Variants in LSM14B observed in about 807,000 individuals in gnomAD.
The protein encoded by LSM14B is protein LSM14 homolog B.
A neutral mutation model predicts 42.1 loss-of-function variants in LSM14B; 8 were observed. The observed-to-expected ratio is 0.19, with a 90% CI of 0.11 to 0.34. The LOEUF is 0.34. LSM14B is among the 10% of genes least tolerant of loss of function. The probability of loss-of-function intolerance (pLI) is 1.00; values close to 1 mark genes in which losing one functional copy is unlikely to be tolerated. For missense variants in LSM14B, 396 were observed against 513.1 expected, an observed-to-expected ratio of 0.77 and a Z score of 2.21; for synonymous variants, 219 against 209.7, an observed-to-expected ratio of 1.04 and a Z score of -0.38.
In LSM14B at chr20:62,122,864, C is replaced by G. The variant is rs1600904339; in HGVS notation, c.127+71C>G. On this transcript the variant is annotated intron_variant, in intron 1 of 8. Coordinates refer to ENST00000279068, the MANE Select transcript of LSM14B (RefSeq NM_144703.3). This position sits in a 1 kb window ranked among gnomAD's most constrained non-coding sequence, Gnocchi z 4.6. The stretch of plus-strand genomic sequence containing the variant: ...CAGCCCCGGCCTGCGGTGCCCTCCC[C>G]GCCCCGGGGCGCCCCGGAGCCTGGC... 21 of 1,237,404 alleles carry G rather than the reference C, an allele frequency of 1.7e-5. No homozygotes were observed. In the South Asian group the frequency reaches 4.4e-4, roughly 26 times the overall value. 76.7% of individuals were successfully genotyped at this position (1,237,404 alleles called of 1,614,324 possible).
At chr20:62,132,266 C>T (rs565316680) in intron 7 of LSM14B, among the ~76,000 whole-genome samples, 2 of 152,280 alleles carry the variant, frequency 1.3e-5, no homozygotes, top group Admixed American at 6.5e-5. Flanking sequence ...CAGATGAGTG[C>T]GGGAAGTGCT....
At position 62,134,700 on chromosome 20, in the gene LSM14B, G is replaced by C. The variant is rs1357958978; in HGVS notation, c.*552G>C. 4.6e-6 allele frequency: 1 copy of C among 215,178 alleles called. No individual in the cohort carries two copies. The highest frequency in any genetic ancestry group is 9.3e-6 in the Non-Finnish European group (1 of 106,968). 13.3% of individuals were successfully genotyped at this position (215,178 alleles called of 1,614,324 possible). A position where few individuals can be genotyped will look rare whatever the true frequency, so the allele number is the denominator to read the frequency against. On this transcript the variant is annotated 3_prime_UTR_variant, in exon 9 of 9. Transcript: ENST00000279068. Reference sequence around the variant, plus strand: ...AGGGCACGGAAGGGGTTTTCCCATGGATCATGTTGTATAAGTGAACCAGAC... The same window carrying C: ...AGGGCACGGAAGGGGTTTTCCCATGCATCATGTTGTATAAGTGAACCAGAC...
Position 62,122,477 on chromosome 20 carries a change from TCG to T in LSM14B, c.-184_-183del. 4.5e-6 allele frequency: 1 copy of T among 224,140 alleles called. No individual in the cohort carries two copies. The highest frequency in any genetic ancestry group is 7.4e-6 in the Non-Finnish European group (1 of 134,304). 13.9% of individuals were successfully genotyped at this position (224,140 alleles called of 1,614,324 possible). On this transcript the variant is annotated 5_prime_UTR_variant, in exon 1 of 9. Coordinates refer to ENST00000279068, the MANE Select transcript of LSM14B (RefSeq NM_144703.3). The surrounding 1 kb of genome is among the most constrained non-coding windows in gnomAD (Gnocchi z 4.6). The stretch of plus-strand genomic sequence containing the variant: ...CCCCGCGCTCCTCTCAGAGCCCCAG[TCG>T]CGCGCCCCTTCTTGGTTCGCTCGGT...
intron 3 of LSM14B, chr20:62,128,869 G>A: frequency 3.1e-6 from 3 of 975,832 alleles, no homozygotes; most frequent in Non-Finnish European, 1.4e-6. Context: ...AAGATGAGAT[G>A]CCCAGTCTTC....
rs1310600370 is a variant in LSM14B, at chr20:62,130,029, TTTTTA to T, written c.595+78_595+82del. The T allele has an allele frequency of 1.2e-5, 18 of 1,459,372 alleles. No homozygotes were observed. The highest frequency in any genetic ancestry group is 1.6e-5 in the Non-Finnish European group (18 of 1,100,464). The allele number at this position is 1,459,372 out of a possible 1,614,324, so 90.4% of individuals were successfully genotyped here. On this transcript the variant is annotated intron_variant, in intron 4 of 8. Transcript: ENST00000279068. This position sits in a 1 kb window ranked among gnomAD's most constrained non-coding sequence, Gnocchi z 4.1. ...CACTACTTCCTGGGCTATTTTTTTT[TTTTTA>T]ATTAAAAAAATACTACTCCCCCATC...
intron 3 of LSM14B, chr20:62,127,723 T>C (rs1372022774): frequency 1.4e-6 from 2 of 1,476,668 alleles, no homozygotes; most frequent in South Asian, 1.2e-5. Flanking sequence ...TTGGGAGAAC[T>C]GCATGCTGTC....
At position 62,126,324 on chromosome 20, in the gene LSM14B, C is replaced by T. The variant is rs754112715; in HGVS notation, c.312C>T (p.Ser104=). 8 of 1,613,764 alleles carry T rather than the reference C, an allele frequency of 5.0e-6. No homozygotes were observed. Among genetic ancestry groups the T allele is most frequent in the East Asian group, 2.2e-5 (1 of 44,904 alleles). The change falls in exon 3 of 9, where the codon TCC becomes TCT. Residue 104 remains serine (S), a synonymous_variant. Transcript: ENST00000279068. Reference sequence around the variant, plus strand: ...TTCAGTCTTCCCTGGGTTCTGCCTCCGCCTCGCCCTTCCAGCCGCACGTGC... The same window carrying T: ...TTCAGTCTTCCCTGGGTTCTGCCTCTGCCTCGCCCTTCCAGCCGCACGTGC... ...AIVQSSLGSA[S]ASPFQPHVPY...
chr20:62,124,589 A>G lies in LSM14B; in HGVS notation c.128-28A>G, dbSNP rs751181864. On this transcript the variant is annotated intron_variant, in intron 1 of 8. Transcript: ENST00000279068. Reference sequence around the variant, plus strand: ...TTGATTGAACTGGCTGAGGACAACAATAACGCTTCTCTTTCTCCACTCATA... The same window carrying G: ...TTGATTGAACTGGCTGAGGACAACAGTAACGCTTCTCTTTCTCCACTCATA... 5.0e-6 allele frequency: 8 copies of G among 1,608,582 alleles called. No individual in the cohort carries two copies. The Admixed American group carries it at 5.0e-5, about 10-fold the overall frequency.
At position 62,131,388 on chromosome 20, in the gene LSM14B, C is replaced by A. The variant is rs374354124; in HGVS notation, c.868C>A (p.Leu290Met). The change falls in exon 7 of 9, where the codon CTG becomes ATG. Residue 290 changes from leucine (L) to methionine (M), a missense_variant. Leu to Met is a conservative substitution (Grantham distance 15). Around this residue, in one of 3 missense-constraint regions of LSM14B, gnomAD observed 118 missense variants for 156.4 expected, o/e 0.75. Coordinates refer to ENST00000279068, the MANE Select transcript of LSM14B (RefSeq NM_144703.3). ...DKAEKGEEKD[L>M]AVVTQSAEAP... is the part of the protein sequence containing the mutation. ...GGCTGAGAAGGGGGAAGAGAAGGAC[C>A]TGGCTGTGGTGACCCAGAGTGCCGA... 8 of 1,609,522 alleles carry A rather than the reference C, an allele frequency of 5.0e-6. No homozygotes were observed. In the African/African-American group the frequency reaches 1.1e-4, roughly 22 times the overall value.
In LSM14B at chr20:62,130,341, G is replaced by T; in HGVS notation, c.673+45G>T. The T allele has an allele frequency of 6.4e-7, 1 of 1,559,398 alleles. No homozygotes were observed. The highest frequency in any genetic ancestry group is 1.2e-5 in the South Asian group (1 of 84,766). On this transcript the variant is annotated intron_variant, in intron 5 of 8. Transcript: ENST00000279068. This position sits in a 1 kb window ranked among gnomAD's most constrained non-coding sequence, Gnocchi z 4.1. The stretch of plus-strand genomic sequence containing the variant: ...GATTTCTGGGGACCACGAGTGATCA[G>T]GCTGAGCTCTGCTTGCCCTCCTGCC...
rs2056735467 is a variant in LSM14B at position 62,130,484 on chromosome 20, TG to T, written c.674-43del. ...TTCCTTGTGAGGTGTTTGAGATCACTGGGTTGGTGACCTACTTCAGCCAGGG... is the reference window on the plus strand; with the variant it reads ...TTCCTTGTGAGGTGTTTGAGATCACTGGTTGGTGACCTACTTCAGCCAGGG... On this transcript the variant is annotated intron_variant, in intron 5 of 8. Transcript: ENST00000279068. The surrounding 1 kb of genome is among the most constrained non-coding windows in gnomAD (Gnocchi z 4.1). 1.9e-6 allele frequency: 3 copies of T among 1,602,212 alleles called. No homozygotes were observed.
intron 3 of LSM14B, chr20:62,127,597 G>A: frequency 6.4e-7 from 1 of 1,550,782 alleles, no homozygotes; most frequent in South Asian, 1.2e-5. Context: ...AAGTTGGTAA[G>A]CCCTCCAGCC....
chr20:62,134,447 A>T lies in LSM14B; in HGVS notation c.*299A>T. 2 of 270,940 alleles carry T rather than the reference A, an allele frequency of 7.4e-6. No homozygotes were observed. The highest frequency in any genetic ancestry group is 1.5e-5 in the Non-Finnish European group (2 of 131,212). The allele number at this position is 270,940 out of a possible 1,614,324, so 16.8% of individuals were successfully genotyped here. A position where few individuals can be genotyped will look rare whatever the true frequency, so the allele number is the denominator to read the frequency against. ...TGGTATTTTGCAAAAAGGTTTCTAT[A>T]GTGAAAGCTGAATCCTTACTTTGTG... is the stretch of plus-strand genomic sequence containing the variant. On this transcript the variant is annotated 3_prime_UTR_variant, in exon 9 of 9. Coordinates refer to ENST00000279068, the MANE Select transcript of LSM14B (RefSeq NM_144703.3).
Position 62,130,702 on chromosome 20 carries a change from TTATA to T in LSM14B, c.835+13_835+16del. On this transcript the variant is annotated intron_variant, in intron 6 of 8. Transcript: ENST00000279068. The surrounding 1 kb of genome is among the most constrained non-coding windows in gnomAD (Gnocchi z 4.1). Reference sequence around the variant, plus strand: ...AACTGAATTTTAAAGGTTTGGCTCATTATATGAAAATTATTCTCTGCACAGGAGT... The same window carrying T: ...AACTGAATTTTAAAGGTTTGGCTCATTGAAAATTATTCTCTGCACAGGAGT... 6.2e-7 allele frequency: 1 copy of T among 1,612,136 alleles called. No individual in the cohort carries two copies. Among genetic ancestry groups the T allele is most frequent in the Non-Finnish European group, 8.5e-7 (1 of 1,179,500 alleles).
Position 62,122,650 on chromosome 20 carries a change from G to T in LSM14B, c.-17G>T. The T allele has an allele frequency of 3.6e-6, 5 of 1,386,940 alleles. No individual in the cohort carries two copies. Among genetic ancestry groups the T allele is most frequent in the Non-Finnish European group, 4.8e-6 (5 of 1,048,818 alleles). The allele number at this position is 1,386,940 out of a possible 1,614,324, so 85.9% of individuals were successfully genotyped here. A position where few individuals can be genotyped will look rare whatever the true frequency, so the allele number is the denominator to read the frequency against. On this transcript the variant is annotated 5_prime_UTR_variant, in exon 1 of 9. Transcript: ENST00000279068. This position sits in a 1 kb window ranked among gnomAD's most constrained non-coding sequence, Gnocchi z 4.6. ...CGCTCCTTCCCCACCGCGGCCCGAC[G>T]CACCCCGGCCGCCGCCATGAGCGGC...
chr20:62,124,868 A>T, intron 2 of LSM14B, 88 bp downstream of exon 2: 3 of 1,317,908 alleles, frequency 2.3e-6, no homozygotes, highest in East Asian at 5.3e-5. Context: ...AGAACGCTCA[A>T]TGTGAGGAAT....
Position 62,135,059 on chromosome 20 carries a change from CGTT to C in LSM14B, c.*915_*917del, listed in dbSNP as rs1414193920. The stretch of plus-strand genomic sequence containing the variant: ...AGCATATTTCCCCTCTGTTGTACAT[CGTT>C]GTTTTGTGTTTGTGTTGTAACAGTG... On this transcript the variant is annotated 3_prime_UTR_variant, in exon 9 of 9. Transcript: ENST00000279068. 2.0e-5 allele frequency: 3 copies of C among 151,980 alleles called. No individual in the cohort carries two copies. Among genetic ancestry groups the C allele is most frequent in the African/African-American group, 4.8e-5 (2 of 41,376 alleles). The allele number at this position is 151,980 out of a possible 1,614,324, so 9.4% of individuals were successfully genotyped here.
intron 7 of LSM14B, among the ~76,000 whole-genome samples, chr20:62,132,094 G>A (rs949944415): frequency 6.6e-6 from 1 of 152,242 alleles, no homozygotes; most frequent in Non-Finnish European, 1.5e-5. Flanking sequence ...CGTTGAGGGG[G>A]CCTCAGAAGG....
rs1490678904 is a variant in LSM14B, at chr20:62,130,696, G to A, written c.835+5G>A. The A allele has an allele frequency of 6.2e-7, 1 of 1,612,628 alleles. No homozygotes were observed. Among genetic ancestry groups the A allele is most frequent in the Non-Finnish European group, 8.5e-7 (1 of 1,179,648 alleles). ...AGAAGAAACTGAATTTTAAAGGTTTGGCTCATTATATGAAAATTATTCTCT... is the reference window on the plus strand; with the variant it reads ...AGAAGAAACTGAATTTTAAAGGTTTAGCTCATTATATGAAAATTATTCTCT... On this transcript the variant is annotated splice_donor_5th_base_variant and intron_variant, in intron 6 of 8. Transcript: ENST00000279068. This position sits in a 1 kb window ranked among gnomAD's most constrained non-coding sequence, Gnocchi z 4.1.
Sources: gnomAD v4.1 joint callset for allele counts (sites outside exome capture counted in the v4.1 genomes callset) on GRCh38, gnomAD v4.1.1 for gene constraint, gnomAD v4.1.1 regional missense constraint, Gnocchi (gnomAD v3.1) non-coding constraint, MANE v1.5 for transcripts, NCBI Gene and HGNC (gene_info 2026-07-23, HGNC 2026-07-21) for gene names.